The following CERS4 variants were observed in gnomAD, a reference collection of about 807,000 sequenced individuals.
The protein encoded by CERS4 is LAG1 homolog, ceramide synthase 4.
Under a neutral mutation model 51.8 loss-of-function variants are expected in CERS4, and 65 were observed. The ratio of observed to expected loss-of-function variants is 1.26; its 90% CI spans 1.03 to 1.54. CERS4 has a LOEUF of 1.54. CERS4 is among the 40% of genes most tolerant of loss of function. The pLI is 0.00. For synonymous variants in CERS4, 228 were observed against 208.4 expected (o/e 1.09, Z -0.81); for missense variants, 563 against 500.4 (o/e 1.13, Z -1.19).
rs138071177 is a variant in CERS4 at position 8,219,587 on chromosome 19, C to T, written c.-2+8725C>T. On this transcript the variant is annotated intron_variant, in intron 2 of 11. Coordinates refer to ENST00000251363, the MANE Select transcript of CERS4 (RefSeq NM_024552.3). The stretch of plus-strand genomic sequence containing the variant: ...ATCCCAGCACTCTGGGAGGCCAAGG[C>T]GGATGGATCACCTGAGGTCAGGAGT... 4.0e-3 allele frequency among the ~76,000 whole-genome samples: 611 copies of T among 152,276 alleles called. 6 individuals carry two copies. Among genetic ancestry groups the T allele is most frequent in the African/African-American group, 0.014 (574 of 41,558 alleles).
At chr19:8,257,457 G>A (rs143356121) in intron 9 of CERS4, among the ~76,000 whole-genome samples, 3,840 of 151,914 alleles carry the variant, frequency 0.025, 172 homozygotes, top group African/African-American at 0.089. Flanking sequence ...TTTTTGAGAC[G>A]GAGTCTCACT....
intron 2 of CERS4, among the ~76,000 whole-genome samples, chr19:8,225,548 C>T (rs898758296): frequency 4.6e-5 from 7 of 151,346 alleles, no homozygotes; most frequent in East Asian, 2.0e-4. Context: ...CTCAGCCTCT[C>T]GAGTGGCTGG....
intron 2 of CERS4, among the ~76,000 whole-genome samples, chr19:8,212,708 G>A (rs974972832): frequency 5.3e-5 from 8 of 151,034 alleles, no homozygotes; most frequent in Non-Finnish European, 1.5e-5. Context: ...GTGCGATCTC[G>A]GCCCACTGCA....
chr19:8,229,803 C>T (rs1967937092), intron 2 of CERS4, among the ~76,000 whole-genome samples: 1 of 152,106 alleles, frequency 6.6e-6, no homozygotes, highest in Admixed American at 6.6e-5. Flanking sequence ...ACCTCCCAAG[C>T]TCAAGTGATC....
chr19:8,223,896 C>T (rs1050200408), intron 2 of CERS4, among the ~76,000 whole-genome samples: 3 of 150,240 alleles, frequency 2.0e-5, no homozygotes, highest in East Asian at 4.0e-4. Flanking sequence ...ATCAGGAGTT[C>T]GAGACCAGCC....
At chr19:8,232,482 G>A (rs1412112526) in intron 2 of CERS4, among the ~76,000 whole-genome samples, 2 of 151,754 alleles carry the variant, frequency 1.3e-5, no homozygotes, top group African/African-American at 4.8e-5. Flanking sequence ...AGTAGAGACG[G>A]GGTTTCTCCA....
intron 2 of CERS4, among the ~76,000 whole-genome samples, chr19:8,249,175 GTGGACAGATGTTTGGATGGGTGGA>G (rs538047800): frequency 0.039 from 5,727 of 145,252 alleles, 140 homozygotes; most frequent in African/African-American, 0.051. Flanking sequence ...TGATGGGTGG[GTGGACAGATGTTTGGATGGGTGGA>G]TGGACGATGG....
chr19:8,256,007 G>A, intron 6 of CERS4, 128 bp downstream of exon 6: 1 of 1,089,206 alleles, frequency 9.2e-7, no homozygotes, highest in East Asian at 2.5e-5. Flanking sequence ...AGCGAGCTTT[G>A]CAAGATGGTG....
chr19:8,261,357 T>G, intron 10 of CERS4: 6 of 296,302 alleles, frequency 2.0e-5, no homozygotes, highest in Admixed American at 4.5e-5. Context: ...CGCCTGCTGA[T>G]GAAGGGGAGG....
intron 4 of CERS4, 120 bp downstream of exon 4, chr19:8,254,736 G>A (rs1969282794): frequency 1.2e-6 from 1 of 807,340 alleles, no homozygotes; most frequent in Non-Finnish European, 2.0e-6. Context: ...CCCCTGCAAT[G>A]CCCCTACTTT....
chr19:8,238,708 C>T lies in CERS4; in HGVS notation c.-1-12368C>T, dbSNP rs138585416. ...GAGAGGTGGTTGCCAGGGAATGGTT[C>T]CAAGAAGATGCAATAGGGGAGGAGG... is the stretch of plus-strand genomic sequence containing the variant. On this transcript the variant is annotated intron_variant, in intron 2 of 11. Coordinates refer to ENST00000251363, the MANE Select transcript of CERS4 (RefSeq NM_024552.3). 1,623 of 547,692 alleles carry T rather than the reference C, an allele frequency of 3.0e-3. 23 individuals are homozygous for T. The African/African-American group carries it at 0.032, about 11-fold the overall frequency. The allele number at this position is 547,692 out of a possible 1,614,324, so 33.9% of individuals were successfully genotyped here. A position where few individuals can be genotyped will look rare whatever the true frequency, so the allele number is the denominator to read the frequency against.
At chr19:8,244,501 T>C (rs1238426044) in intron 2 of CERS4, among the ~76,000 whole-genome samples, 2 of 152,164 alleles carry the variant, frequency 1.3e-5, no homozygotes, top group Admixed American at 1.3e-4. Flanking sequence ...CAATTTCCTC[T>C]CCCAACCCTT....
Position 8,261,863 on chromosome 19 carries a change from G to C in CERS4, c.1005+19G>C. 6.2e-7 allele frequency: 1 copy of C among 1,613,494 alleles called. No homozygotes were observed. Among genetic ancestry groups the C allele is most frequent in the Non-Finnish European group, 8.5e-7 (1 of 1,179,640 alleles). ...GGGCCAGGTATGGCTGGACCTCCCC[G>C]GGGGCCCCAGCCCTAAGCTCCTCCT... is the stretch of plus-strand genomic sequence containing the variant. On this transcript the variant is annotated intron_variant, in intron 11 of 11. Transcript: ENST00000251363.
intron 2 of CERS4, among the ~76,000 whole-genome samples, chr19:8,228,992 CA>C (rs1406263540): frequency 6.7e-6 from 1 of 149,898 alleles, no homozygotes; most frequent in Non-Finnish European, 1.5e-5. Flanking sequence ...CCATTGCACA[CA>C]CCAGCCTGGG....
intron 2 of CERS4, among the ~76,000 whole-genome samples, chr19:8,223,304 T>G (rs1457784575): frequency 6.6e-6 from 1 of 151,584 alleles, no homozygotes; most frequent in African/African-American, 2.4e-5. Flanking sequence ...ACCTGGTCTC[T>G]ACAAAAAAAT....
intron 2 of CERS4, among the ~76,000 whole-genome samples, chr19:8,245,129 A>C (rs1295428982): frequency 1.7e-4 from 26 of 148,756 alleles, no homozygotes; most frequent in Middle Eastern, 3.4e-3. Context: ...AAAAAAAAAA[A>C]AAAAAACACT....
intron 2 of CERS4, among the ~76,000 whole-genome samples, chr19:8,229,292 G>T (rs975385298): frequency 2.0e-5 from 3 of 152,128 alleles, no homozygotes; most frequent in Non-Finnish European, 2.9e-5. Context: ...TAAAACACAA[G>T]ACAGGTTCAC....
intron 2 of CERS4, among the ~76,000 whole-genome samples, chr19:8,230,181 T>C (rs1398000180): frequency 2.0e-5 from 3 of 148,794 alleles, no homozygotes; most frequent in Non-Finnish European, 4.5e-5. Flanking sequence ...AAGTTAGACC[T>C]TTTTTTTTCT....
intron 10 of CERS4, chr19:8,261,031 A>C (rs982210117): frequency 2.0e-5 from 3 of 151,292 alleles, no homozygotes; most frequent in Admixed American, 6.7e-5. Flanking sequence ...GGGCTCCAGG[A>C]CAGTGTCCCA....
Sources: gnomAD v4.1 joint callset for allele counts (sites outside exome capture counted in the v4.1 genomes callset) on GRCh38, gnomAD v4.1.1 for gene constraint, MANE v1.5 for transcripts, NCBI Gene and HGNC (gene_info 2026-07-23, HGNC 2026-07-21) for gene names.